TRRAP: variants seen among roughly 807,000 people sequenced by gnomAD.
TRRAP encodes the protein transformation/transcription domain-associated protein.
Under a neutral mutation model 438.8 loss-of-function variants are expected in TRRAP, and 41 were observed. That is an observed-to-expected ratio of 0.09 (90% CI 0.07 to 0.12). The LOEUF (loss-of-function observed/expected upper bound fraction) is 0.12. Ranked by LOEUF, TRRAP falls within the 10% of genes least tolerant of loss-of-function variation. The pLI, the probability that TRRAP is intolerant of heterozygous loss-of-function variation, is 1.00. For synonymous variants in TRRAP, 1,994 were observed against 1,962.9 expected, an observed-to-expected ratio of 1.02 and a Z score of -0.42; for missense variants, 3,122 against 5,055.1, an observed-to-expected ratio of 0.62 and a Z score of 11.60.
At chr7:98,911,339 C>A in intron 17 of TRRAP, 68 bp downstream of exon 17, 1 of 1,396,052 alleles carries the variant, frequency 7.2e-7, no homozygotes, top group Non-Finnish European at 9.6e-7. Context: ...AATACTTTTT[C>A]ATTTATTTCA....
intron 64 of TRRAP, among the ~76,000 whole-genome samples, chr7:98,991,004 C>T (rs905354084): frequency 1.7e-4 from 26 of 152,182 alleles, no homozygotes; most frequent in African/African-American, 6.3e-4. Context: ...GGGAGCTCTT[C>T]GGAGCTGCCC....
intron 37 of TRRAP, 32 bp downstream of exon 37, chr7:98,949,873 ACTGGCT>A: frequency 1.9e-6 from 3 of 1,599,316 alleles, no homozygotes; most frequent in Non-Finnish European, 2.6e-6. Context: ...GCCCCGCGGG[ACTGGCT>A]CTGTCCCAAA....
At position 98,976,569 on chromosome 7, in the gene TRRAP, T is replaced by C. The variant is rs1792669750; in HGVS notation, c.8046T>C (p.Phe2682=). 1 of 1,614,178 alleles carries C rather than the reference T, an allele frequency of 6.2e-7. No individual in the cohort carries two copies. Among genetic ancestry groups the C allele is most frequent in the Admixed American group, 1.7e-5 (1 of 60,028 alleles). Residue 2682 remains phenylalanine (F), a synonymous_variant, in exon 55 of 73, where the codon TTT becomes TTC. Transcript: ENST00000456197. This position sits in a 1 kb window ranked among gnomAD's most constrained non-coding sequence, Gnocchi z 4.6. The part of the protein sequence containing the change: ...RDCQPSALNC[F]VEAMSQCVPP... The stretch of plus-strand genomic sequence containing the variant: ...GCCAGCCCAGCGCGCTGAACTGCTT[T>C]GTGGAAGCCATGTCCCAGTGCGTGC...
rs782271251 is a variant in TRRAP, at chr7:98,943,029, G to A, written c.4473+12G>A. 20 of 1,613,950 alleles carry A rather than the reference G, an allele frequency of 1.2e-5. 2 individuals are homozygous for A. The Middle Eastern group carries it at 5.0e-4, about 40-fold the overall frequency. ...GGAGCGACGGAAACGTGAGTGACTT[G>A]TTTGTTTCTGGGAAGGGCACCAGCC... On this transcript the variant is annotated intron_variant, in intron 31 of 72. Transcript: ENST00000456197.
Position 98,976,014 on chromosome 7 carries a change from T to A in TRRAP, c.7840-135T>A, listed in dbSNP as rs919861262. 2.5e-6 allele frequency: 3 copies of A among 1,182,236 alleles called. No homozygotes were observed. In the African/African-American group the frequency reaches 4.6e-5, roughly 18 times the overall value. The allele number at this position is 1,182,236 out of a possible 1,614,324, so 73.2% of individuals were successfully genotyped here. Reference sequence around the variant, plus strand: ...GGGCTTTTACTCTAACATGGCATTTTCTCAGATCTTTGAAACTTTGAAAGT... The same window carrying A: ...GGGCTTTTACTCTAACATGGCATTTACTCAGATCTTTGAAACTTTGAAAGT... On this transcript the variant is annotated intron_variant, in intron 53 of 72. Coordinates refer to ENST00000456197, the MANE Select transcript of TRRAP (RefSeq NM_001375524.1). This position sits in a 1 kb window ranked among gnomAD's most constrained non-coding sequence, Gnocchi z 4.6.
chr7:98,939,550 G>A (rs1790700832), intron 30 of TRRAP, among the ~76,000 whole-genome samples: 1 of 152,160 alleles, frequency 6.6e-6, no homozygotes, highest in African/African-American at 2.4e-5. Context: ...TAATATGGAA[G>A]TGAATTTTCC....
chr7:98,972,408 A>C (rs1265058243), intron 53 of TRRAP, among the ~76,000 whole-genome samples: 2 of 152,228 alleles, frequency 1.3e-5, no homozygotes, highest in African/African-American at 4.8e-5. Context: ...TCTTGAAAGA[A>C]ACGGTAAAAC....
rs1006689475 is a variant in TRRAP at position 98,980,590 on chromosome 7, T to C, written c.8635-1179T>C. 9.2e-5 allele frequency among the ~76,000 whole-genome samples: 14 copies of C among 152,316 alleles called. No individual in the cohort carries two copies. The South Asian group carries it at 2.9e-3, about 32-fold the overall frequency. Reference sequence around the variant, plus strand: ...AGGCTCATCGGCTGCTCCATGGAACTGACGCTGGAGTGCAGGAAATCTGGG... The same window carrying C: ...AGGCTCATCGGCTGCTCCATGGAACCGACGCTGGAGTGCAGGAAATCTGGG... On this transcript the variant is annotated intron_variant, in intron 58 of 72. Coordinates refer to ENST00000456197, the MANE Select transcript of TRRAP (RefSeq NM_001375524.1).
intron 33 of TRRAP, among the ~76,000 whole-genome samples, chr7:98,947,676 G>A (rs531774712): frequency 3.3e-5 from 5 of 152,202 alleles, no homozygotes; most frequent in South Asian, 2.1e-4. Flanking sequence ...GGCTGGTCTC[G>A]AACTCCTGAC....
chr7:99,013,131 G>A lies in TRRAP; in HGVS notation c.*776G>A, dbSNP rs530154824. On this transcript the variant is annotated 3_prime_UTR_variant, in exon 73 of 73. Transcript: ENST00000456197. ...ACAAAACAGAAATGTACGTTCCTTC[G>A]CTAGCTTTAGTCTTTCTGTTCCCAT... The A allele has an allele frequency of 5.9e-5, 9 of 152,094 alleles. No individual in the cohort carries two copies. Among genetic ancestry groups the A allele is most frequent in the Admixed American group, 2.0e-4 (3 of 15,290 alleles). The allele number at this position is 152,094 out of a possible 1,614,324, so 9.4% of individuals were successfully genotyped here.
rs556085878 is a variant in TRRAP, at chr7:98,981,986, A to T, written c.8826+26A>T. 6.6e-5 allele frequency: 102 copies of T among 1,539,042 alleles called. No individual in the cohort carries two copies. The South Asian group carries it at 1.2e-3, about 18-fold the overall frequency. ...GTGCGTGCGGTGCCCCCATGCGAGCACAGGCCTGTGGCCTGTCGCAGCCAA... is the reference window on the plus strand; with the variant it reads ...GTGCGTGCGGTGCCCCCATGCGAGCTCAGGCCTGTGGCCTGTCGCAGCCAA... On this transcript the variant is annotated intron_variant, in intron 59 of 72. Transcript: ENST00000456197.
At chr7:98,998,918 T>G in intron 67 of TRRAP, 1 of 493,522 alleles carries the variant, frequency 2.0e-6, no homozygotes, top group South Asian at 3.4e-5. Context: ...CCATGGTAGG[T>G]CAGTCTGCAC....
At chr7:98,939,907 AG>A (rs1215011087) in intron 30 of TRRAP, among the ~76,000 whole-genome samples, 1 of 152,118 alleles carries the variant, frequency 6.6e-6, no homozygotes, top group African/African-American at 2.4e-5. Context: ...TTTGAGACAG[AG>A]TATGGCTCTG....
At chr7:98,920,739 GT>G (rs1789748359) in intron 20 of TRRAP, among the ~76,000 whole-genome samples, 1 of 152,180 alleles carries the variant, frequency 6.6e-6, no homozygotes. Context: ...ATGTTTGTAA[GT>G]TATAAAGCCT....
At chr7:98,966,554 G>A (rs189240295) in intron 49 of TRRAP, among the ~76,000 whole-genome samples, 200 of 152,174 alleles carry the variant, frequency 1.3e-3, no homozygotes, top group African/African-American at 4.2e-3. Flanking sequence ...GTATGGTGGC[G>A]CATGCCTGTA....
At chr7:98,900,103 T>G (rs1047767187) in intron 10 of TRRAP, among the ~76,000 whole-genome samples, 1 of 152,108 alleles carries the variant, frequency 6.6e-6, no homozygotes, top group African/African-American at 2.4e-5. Context: ...GCTAGAATGT[T>G]CTTTACACCC....
In TRRAP at chr7:99,008,492, C is replaced by T; in HGVS notation, c.10869C>T (p.Asp3623=). ...GCGCCAAGAAGGGCATCGAGCATGA[C>T]AACCCCATCTCCCGTTACTATGACC... ...QRCAKKGIEH[D]NPISRYYDRL... is the part of the protein sequence containing the mutation. The change falls in exon 70 of 73, where the codon GAC becomes GAT. Residue 3623 remains aspartate, a synonymous_variant. Coordinates refer to ENST00000456197, the MANE Select transcript of TRRAP (RefSeq NM_001375524.1). The T allele has an allele frequency of 6.2e-7, 1 of 1,614,228 alleles. No homozygotes were observed. Among genetic ancestry groups the T allele is most frequent in the South Asian group, 1.1e-5 (1 of 91,084 alleles).
At chr7:98,992,309 G>A in intron 65 of TRRAP, 82 bp downstream of exon 65, 2 of 1,424,178 alleles carry the variant, frequency 1.4e-6, no homozygotes, top group Non-Finnish European at 2.0e-6. Flanking sequence ...GACCACCGCA[G>A]CCACCCCTGC....
chr7:98,940,342 C>T (rs1399886464), intron 30 of TRRAP, among the ~76,000 whole-genome samples: 1 of 152,046 alleles, frequency 6.6e-6, no homozygotes, highest in Non-Finnish European at 1.5e-5. Context: ...GCACCTGCCG[C>T]CACGCCCAGC....
Sources: allele counts gnomAD v4.1 joint callset (sites outside exome capture counted in the v4.1 genomes callset), GRCh38; gene constraint gnomAD v4.1.1; non-coding constraint Gnocchi (gnomAD v3.1); transcripts MANE v1.5; gene names NCBI Gene and HGNC (gene_info 2026-07-23, HGNC 2026-07-21).